Variants in RRBP1 observed in about 807,000 individuals in gnomAD.
RRBP1 encodes ribosome-binding protein 1.
In RRBP1, 94 loss-of-function variants were observed where a neutral mutation model predicts 165.2. That is an observed-to-expected ratio of 0.57 (90% CI 0.48 to 0.68). RRBP1 has a LOEUF of 0.68. RRBP1 is among the 30% of genes least tolerant of loss of function. The pLI, the probability that RRBP1 is intolerant of heterozygous loss-of-function variation, is 0.00. For missense variants in RRBP1, 1,676 were observed against 1,763.0 expected (o/e 0.95, Z 0.88); for synonymous variants, 680 against 714.5 (o/e 0.95, Z 0.77).
intron 5 of RRBP1, among the ~76,000 whole-genome samples, chr20:17,638,533 C>G (rs560749426): frequency 2.0e-5 from 3 of 152,200 alleles, no homozygotes; most frequent in Admixed American, 1.3e-4. Context: ...GGATCTTCCC[C>G]CTCTTTTGCC....
chr20:17,629,998 G>A (rs1379177018), intron 8 of RRBP1, 37 bp from the exon 9 acceptor site: 1 of 1,575,936 alleles, frequency 6.3e-7, no homozygotes, highest in South Asian at 1.1e-5. Flanking sequence ...GTGAAGACGT[G>A]GAAGGACCAG....
At chr20:17,651,565 C>T (rs2036558560) in intron 3 of RRBP1, among the ~76,000 whole-genome samples, 1 of 152,134 alleles carries the variant, frequency 6.6e-6, no homozygotes. Flanking sequence ...AAGATGTCAC[C>T]AACACACTGT....
At chr20:17,663,760 T>A (rs976430403) in intron 2 of RRBP1, among the ~76,000 whole-genome samples, 1 of 152,140 alleles carries the variant, frequency 6.6e-6, no homozygotes, top group Non-Finnish European at 1.5e-5. Flanking sequence ...TCCGGGAGAT[T>A]TGCTCCTGAA....
In RRBP1 at chr20:17,658,615, TGAACC is replaced by T; in HGVS notation, c.1888_1892del (p.Gly630LysfsTer5). 1 of 1,593,638 alleles carries T rather than the reference TGAACC, an allele frequency of 6.3e-7. No homozygotes were observed. The highest frequency in any genetic ancestry group is 8.5e-7 in the Non-Finnish European group (1 of 1,172,146). On this transcript the variant is annotated frameshift_variant, in exon 3 of 25. Coordinates refer to ENST00000377813, the MANE Select transcript of RRBP1 (RefSeq NM_001365613.2). LOFTEE classifies it high-confidence loss of function. ...ACTTACCAGGCTCACCTTTTTTCTT[TGAACC>T]AGACTTCTTCTTGGCAGGAGCCTCT...
chr20:17,647,289 C>T (rs2036481424), intron 3 of RRBP1, among the ~76,000 whole-genome samples: 1 of 152,240 alleles, frequency 6.6e-6, no homozygotes, highest in African/African-American at 2.4e-5. Context: ...ACAAGGGGGA[C>T]CTGGAGAACA....
At chr20:17,656,246 C>CG in intron 3 of RRBP1, among the ~76,000 whole-genome samples, 1 of 152,296 alleles carries the variant, frequency 6.6e-6, no homozygotes. Flanking sequence ...AACCACCTTG[C>CG]GGGCGGCATG....
At chr20:17,680,884 C>G (rs2037168730) in intron 1 of RRBP1, among the ~76,000 whole-genome samples, 1 of 152,112 alleles carries the variant, frequency 6.6e-6, no homozygotes, top group African/African-American at 2.4e-5. Context: ...CCTCGCAAAT[C>G]GAAGCTAACA....
At chr20:17,666,356 A>AAG (rs2036867087) in intron 2 of RRBP1, among the ~76,000 whole-genome samples, 1 of 151,666 alleles carries the variant, frequency 6.6e-6, no homozygotes, top group Non-Finnish European at 1.5e-5. Context: ...AAAAAAAAAA[A>AAG]GTTTTCTTCC....
intron 3 of RRBP1, among the ~76,000 whole-genome samples, chr20:17,653,470 C>T (rs2036594055): frequency 6.6e-6 from 1 of 152,232 alleles, no homozygotes; most frequent in African/African-American, 2.4e-5. Context: ...GCAGAAAATA[C>T]GTGTGCTAAA....
intron 7 of RRBP1, among the ~76,000 whole-genome samples, chr20:17,634,200 G>A (rs2036205650): frequency 6.6e-6 from 1 of 152,262 alleles, no homozygotes; most frequent in African/African-American, 2.4e-5. Flanking sequence ...CGTAAGGCGT[G>A]TGATCAGGAT....
intron 5 of RRBP1, among the ~76,000 whole-genome samples, chr20:17,638,459 C>T (rs1207235076): frequency 6.6e-6 from 1 of 152,170 alleles, no homozygotes; most frequent in Non-Finnish European, 1.5e-5. Context: ...AGGTCCACCC[C>T]GCTCAGGGTC....
intron 3 of RRBP1, among the ~76,000 whole-genome samples, chr20:17,654,873 GC>G (rs1413199272): frequency 6.6e-6 from 1 of 152,222 alleles, no homozygotes; most frequent in Non-Finnish European, 1.5e-5. Context: ...AGTTCCAGCA[GC>G]CCCTGCCTTC....
intron 3 of RRBP1, among the ~76,000 whole-genome samples, chr20:17,654,601 C>T (rs2036615311): frequency 6.6e-6 from 1 of 152,224 alleles, no homozygotes; most frequent in Admixed American, 6.5e-5. Context: ...TGAGCTTTTG[C>T]TGCTTGAGCA....
intron 2 of RRBP1, among the ~76,000 whole-genome samples, chr20:17,666,987 T>C (rs527908350): frequency 6.6e-6 from 1 of 152,372 alleles, no homozygotes; most frequent in Admixed American, 6.5e-5. Flanking sequence ...GAGATTCTTT[T>C]CTAACACATC....
chr20:17,679,826 G>C (rs1281425354), intron 2 of RRBP1, among the ~76,000 whole-genome samples, 173 bp downstream of exon 2: 3 of 152,190 alleles, frequency 2.0e-5, no homozygotes, highest in Non-Finnish European at 4.4e-5. Flanking sequence ...AGATTCCTAA[G>C]TATGAAAGGT....
intron 9 of RRBP1, among the ~76,000 whole-genome samples, chr20:17,628,479 CATGG>C (rs1255985059): frequency 2.6e-5 from 4 of 152,214 alleles, no homozygotes; most frequent in Non-Finnish European, 4.4e-5. Context: ...CCCTGGTCTC[CATGG>C]GCCACTCGTG....
At chr20:17,654,857 A>T (rs1298312727) in intron 3 of RRBP1, among the ~76,000 whole-genome samples, 3 of 152,364 alleles carry the variant, frequency 2.0e-5, no homozygotes, top group African/African-American at 7.2e-5. Flanking sequence ...AGCAAGCAGG[A>T]GCAGGAGTTC....
At chr20:17,647,827 C>A (rs906138730) in intron 3 of RRBP1, among the ~76,000 whole-genome samples, 1 of 152,230 alleles carries the variant, frequency 6.6e-6, no homozygotes, top group Non-Finnish European at 1.5e-5. Context: ...CTGCTGCCTC[C>A]GGGCCTGCAC....
At chr20:17,620,261 C>T (rs369604425) in intron 18 of RRBP1, 38 bp downstream of exon 18, 153 of 1,521,900 alleles carry the variant, frequency 1.0e-4, no homozygotes, top group Non-Finnish European at 1.3e-4. Context: ...AAGAGGCTCC[C>T]GGGACAAGAG....
Sources: gnomAD v4.1 joint callset for allele counts (sites outside exome capture counted in the v4.1 genomes callset) on GRCh38, gnomAD v4.1.1 for gene constraint, MANE v1.5 for transcripts, NCBI Gene and HGNC (gene_info 2026-07-23, HGNC 2026-07-21) for gene names.